ASCC3: variants seen among roughly 807,000 people sequenced by gnomAD.
ASCC3 encodes ASC-1 complex subunit P200.
ASCC3 carries 158 observed loss-of-function variants against 256.3 expected under a neutral mutation model. The observed-to-expected ratio is 0.62, with a 90% CI of 0.54 to 0.70. The LOEUF is 0.70. Among genes scored for constraint, ASCC3 ranks in the 30% least tolerant of loss-of-function variants. The probability of loss-of-function intolerance (pLI) is 0.00; values close to 1 mark genes in which losing one functional copy is unlikely to be tolerated. For synonymous variants in ASCC3, 948 were observed against 883.4 expected, an observed-to-expected ratio of 1.07 and a Z score of -1.30; for missense variants, 2,259 against 2,626.0, an observed-to-expected ratio of 0.86 and a Z score of 3.05.
At chr6:100,814,183 A>G (rs1770628024) in intron 4 of ASCC3, among the ~76,000 whole-genome samples, 1 of 152,108 alleles carries the variant, frequency 6.6e-6, no homozygotes, top group African/African-American at 2.4e-5. Context: ...CCTTTTCTAC[A>G]TCTATTGAGG....
chr6:100,565,489 T>A (rs554924763), intron 36 of ASCC3, among the ~76,000 whole-genome samples: 1 of 152,282 alleles, frequency 6.6e-6, no homozygotes, highest in African/African-American at 2.4e-5. Flanking sequence ...AATAAATAGA[T>A]GAGCACTCTT....
chr6:100,592,193 TATG>T (rs1315389797), intron 34 of ASCC3, among the ~76,000 whole-genome samples: 1 of 151,510 alleles, frequency 6.6e-6, no homozygotes, highest in Non-Finnish European at 1.5e-5. Flanking sequence ...CAATAAATTA[TATG>T]ATGACACCAC....
chr6:100,569,379 A>G (rs1045758641), intron 36 of ASCC3, among the ~76,000 whole-genome samples: 1 of 150,826 alleles, frequency 6.6e-6, no homozygotes, highest in African/African-American at 2.4e-5. Flanking sequence ...ACCTTTTTTT[A>G]TTTATTATTG....
intron 10 of ASCC3, among the ~76,000 whole-genome samples, chr6:100,730,624 A>C (rs1048409281): frequency 2.6e-5 from 4 of 152,318 alleles, no homozygotes; most frequent in Admixed American, 1.3e-4. Context: ...CGGATGTTTT[A>C]ATTTAAAGAT....
In ASCC3 at chr6:100,662,493, T is replaced by C; in HGVS notation, c.2330A>G (p.Asp777Gly). 2 of 1,613,178 alleles carry C rather than the reference T, an allele frequency of 1.2e-6. No homozygotes were observed. The highest frequency in any genetic ancestry group is 1.7e-6 in the Non-Finnish European group (2 of 1,179,426). ...RNKQVRELFP[D>G]GFSIHHAGML... ...TCCTGCATGATGAATACTAAAACCA[T>C]CTGGGAATAATTCTCGTACTTGCTT... Residue 777 changes from aspartate (D) to glycine (G), a missense_variant, in exon 15 of 42, where the codon GAT becomes GGT. Asp to Gly is a moderately conservative substitution (Grantham distance 94). Coordinates refer to ENST00000369162, the MANE Select transcript of ASCC3 (RefSeq NM_006828.4).
chr6:100,773,855 T>C (rs931754417), intron 8 of ASCC3, among the ~76,000 whole-genome samples: 2 of 152,154 alleles, frequency 1.3e-5, no homozygotes, highest in Non-Finnish European at 2.9e-5. Context: ...CATAATGTCC[T>C]CCAAAGAAAT....
At chr6:100,633,231 A>G (rs558322662) in intron 25 of ASCC3, among the ~76,000 whole-genome samples, 4 of 152,298 alleles carry the variant, frequency 2.6e-5, no homozygotes, top group Middle Eastern at 3.4e-3. Context: ...GTCCCACTCA[A>G]TTCAGCCTGG....
intron 36 of ASCC3, among the ~76,000 whole-genome samples, chr6:100,552,046 C>G (rs1225809083): frequency 1.3e-5 from 2 of 151,704 alleles, no homozygotes; most frequent in Non-Finnish European, 2.9e-5. Flanking sequence ...TCCCAAATTT[C>G]TTATCTTAAA....
chr6:100,789,885 ACT>A (rs775815310), intron 8 of ASCC3, among the ~76,000 whole-genome samples: 11 of 151,866 alleles, frequency 7.2e-5, no homozygotes, highest in Non-Finnish European at 1.6e-4. Flanking sequence ...TTTTCATATA[ACT>A]CTGAAATTTA....
At position 100,605,581 on chromosome 6, in the gene ASCC3, G is replaced by C. The variant is rs902251323; in HGVS notation, c.5164C>G (p.Pro1722Ala). ...AATAAGATTTACCTTGATTCTACTG[G>C]GAAAGGTTCATAAAGAAATTTTTTA... ...FYKKFLYEPF[P>A]VESSLLGVLS... The change falls in exon 33 of 42, where the codon CCA becomes GCA. Residue 1722 changes from proline (P) to alanine (A), a missense_variant. Coordinates refer to ENST00000369162, the MANE Select transcript of ASCC3 (RefSeq NM_006828.4). The C allele has an allele frequency of 3.3e-6, 5 of 1,512,844 alleles. No individual in the cohort carries two copies. Among genetic ancestry groups the C allele is most frequent in the Non-Finnish European group, 4.6e-6 (5 of 1,088,760 alleles). The allele number at this position is 1,512,844 out of a possible 1,614,324, so 93.7% of individuals were successfully genotyped here.
At chr6:100,754,836 T>G (rs1001233330) in intron 10 of ASCC3, among the ~76,000 whole-genome samples, 15 of 152,150 alleles carry the variant, frequency 9.9e-5, no homozygotes, top group African/African-American at 3.6e-4. Context: ...CATGCTGTTC[T>G]CATAATAGTG....
At chr6:100,865,791 A>G (rs1773447597) in intron 2 of ASCC3, among the ~76,000 whole-genome samples, 1 of 152,120 alleles carries the variant, frequency 6.6e-6, no homozygotes, top group Non-Finnish European at 1.5e-5. Context: ...ACTATATTAC[A>G]TGGTTCATTT....
At chr6:100,619,923 T>C (rs1019584584) in intron 30 of ASCC3, among the ~76,000 whole-genome samples, 1 of 152,072 alleles carries the variant, frequency 6.6e-6, no homozygotes, top group African/African-American at 2.4e-5. Context: ...GTTGACGAAA[T>C]TTTTACTTGT....
chr6:100,820,600 A>T (rs1770990478), intron 4 of ASCC3, among the ~76,000 whole-genome samples: 1 of 152,176 alleles, frequency 6.6e-6, no homozygotes, highest in South Asian at 2.1e-4. Context: ...TAACTATGAC[A>T]TCAACAGAAT....
chr6:100,627,369 T>C (rs1562178492), intron 29 of ASCC3, among the ~76,000 whole-genome samples: 1 of 152,158 alleles, frequency 6.6e-6, no homozygotes, highest in African/African-American at 2.4e-5. Flanking sequence ...TTACATACTT[T>C]TATTCAACTA....
At chr6:100,594,167 G>C (rs1357067960) in intron 34 of ASCC3, among the ~76,000 whole-genome samples, 3 of 151,948 alleles carry the variant, frequency 2.0e-5, no homozygotes, top group Non-Finnish European at 4.4e-5. Context: ...TGGAATATGA[G>C]GTTGTATTTC....
chr6:100,802,319 G>A (rs947697222), intron 5 of ASCC3, among the ~76,000 whole-genome samples: 25 of 152,122 alleles, frequency 1.6e-4, no homozygotes, highest in Middle Eastern at 3.4e-3. Context: ...TAGAACGGTC[G>A]TTTAAAAGTG....
At chr6:100,638,970 C>T (rs1280778825) in intron 24 of ASCC3, 149 bp from the exon 25 acceptor site, 1 of 701,656 alleles carries the variant, frequency 1.4e-6, no homozygotes, top group Non-Finnish European at 2.5e-6. Flanking sequence ...ACAGATCTGG[C>T]ATTTCAACAA....
At chr6:100,859,194 A>G in intron 3 of ASCC3, 1 of 779,966 alleles carries the variant, frequency 1.3e-6, no homozygotes, top group Non-Finnish European at 2.4e-6. Flanking sequence ...TGGAATGGAC[A>G]ATTCACTTCT....
Sources: allele counts gnomAD v4.1 joint callset (sites outside exome capture counted in the v4.1 genomes callset), GRCh38; gene constraint gnomAD v4.1.1; transcripts MANE v1.5; gene names NCBI Gene and HGNC (gene_info 2026-07-23, HGNC 2026-07-21).